The following ICA1 variants were observed in gnomAD, a reference collection of about 807,000 sequenced individuals.
ICA1 encodes the protein 69 kDa islet cell autoantigen.
A neutral mutation model predicts 71.0 loss-of-function variants in ICA1; 40 were observed. The ratio of observed to expected loss-of-function variants is 0.56; its 90% CI spans 0.44 to 0.73. The LOEUF (loss-of-function observed/expected upper bound fraction) is 0.73. ICA1 is among the 30% of genes least tolerant of loss of function. The pLI is 0.00. For synonymous variants in ICA1, 207 were observed against 209.5 expected (o/e 0.99, Z 0.10); for missense variants, 578 against 576.5 (o/e 1.00, Z -0.03).
chr7:8,229,469 G>C (rs1799602918), intron 3 of ICA1, among the ~76,000 whole-genome samples: 1 of 152,106 alleles, frequency 6.6e-6, no homozygotes, highest in South Asian at 2.1e-4. Flanking sequence ...CTAACTTAGG[G>C]ACCAGATATG....
At chr7:8,201,150 C>T (rs577114367) in intron 6 of ICA1, among the ~76,000 whole-genome samples, 2 of 152,154 alleles carry the variant, frequency 1.3e-5, no homozygotes, top group African/African-American at 2.4e-5. Flanking sequence ...CCATTGCCAG[C>T]CTGAGACATA....
chr7:8,176,717 T>C (rs993264591), intron 6 of ICA1, among the ~76,000 whole-genome samples: 1 of 152,182 alleles, frequency 6.6e-6, no homozygotes, highest in African/African-American at 2.4e-5. Context: ...GAATTACTGC[T>C]CAGGCTTTCT....
intron 6 of ICA1, among the ~76,000 whole-genome samples, chr7:8,165,002 A>G (rs1025018435): frequency 1.3e-5 from 2 of 152,166 alleles, no homozygotes; most frequent in Non-Finnish European, 2.9e-5. Context: ...GCCTGAGCCC[A>G]GGAGGTGGAG....
intron 12 of ICA1, among the ~76,000 whole-genome samples, chr7:8,134,821 C>T (rs1199899949): frequency 6.6e-6 from 1 of 151,886 alleles, no homozygotes; most frequent in Non-Finnish European, 1.5e-5. Flanking sequence ...AAAACAACTC[C>T]TACTCCCTGA....
intron 8 of ICA1, among the ~76,000 whole-genome samples, chr7:8,156,255 A>G (rs1446975497): frequency 6.6e-6 from 1 of 152,264 alleles, no homozygotes; most frequent in Non-Finnish European, 1.5e-5. Flanking sequence ...AGCAAAAGAA[A>G]TGCATTTGAA....
intron 4 of ICA1, among the ~76,000 whole-genome samples, chr7:8,228,311 A>T (rs1190943420): frequency 6.6e-6 from 1 of 152,198 alleles, no homozygotes; most frequent in African/African-American, 2.4e-5. Context: ...AAAAACCTGA[A>T]GGTAAAAAGC....
At chr7:8,249,490 G>A (rs1196708107) in intron 1 of ICA1, among the ~76,000 whole-genome samples, 1 of 152,166 alleles carries the variant, frequency 6.6e-6, no homozygotes, top group African/African-American at 2.4e-5. Flanking sequence ...ATTGGAGGAT[G>A]GACATTCAAT....
chr7:8,185,603 A>T (rs187017096), intron 6 of ICA1, among the ~76,000 whole-genome samples: 1 of 152,318 alleles, frequency 6.6e-6, no homozygotes, highest in Admixed American at 6.5e-5. Flanking sequence ...CTGCATACTT[A>T]ATCTTAAGAA....
intron 6 of ICA1, among the ~76,000 whole-genome samples, chr7:8,179,965 G>A (rs1245104236): frequency 2.0e-5 from 3 of 151,696 alleles, no homozygotes; most frequent in South Asian, 2.1e-4. Flanking sequence ...TAAGCTCTAC[G>A]ACTCTATTCC....
intron 8 of ICA1, among the ~76,000 whole-genome samples, chr7:8,145,013 G>A (rs954809669): frequency 6.6e-6 from 1 of 152,130 alleles, no homozygotes; most frequent in Non-Finnish European, 1.5e-5. Flanking sequence ...TCTCGGCAGA[G>A]CAGACCTGTG....
intron 6 of ICA1, among the ~76,000 whole-genome samples, chr7:8,189,734 T>TA (rs1420229069): frequency 6.7e-6 from 1 of 149,774 alleles, no homozygotes; most frequent in Non-Finnish European, 1.5e-5. Context: ...GCAAGGGGGG[T>TA]AGGCAGCGCT....
At chr7:8,131,995 G>A (rs1389185598) in intron 12 of ICA1, among the ~76,000 whole-genome samples, 1 of 152,102 alleles carries the variant, frequency 6.6e-6, no homozygotes, top group African/African-American at 2.4e-5. Flanking sequence ...GGATGAACAA[G>A]GGTTGAGGAT....
chr7:8,178,965 G>T (rs1380725294), intron 6 of ICA1, among the ~76,000 whole-genome samples: 1 of 152,154 alleles, frequency 6.6e-6, no homozygotes, highest in Non-Finnish European at 1.5e-5. Context: ...CTCTGAAAAT[G>T]GTTGTCGCTA....
chr7:8,251,493 A>T (rs1808191311), intron 1 of ICA1, among the ~76,000 whole-genome samples: 1 of 149,966 alleles, frequency 6.7e-6, no homozygotes, highest in African/African-American at 2.5e-5. Context: ...TAAAAAACTC[A>T]AATTATTTTC....
chr7:8,246,136 T>C (rs1316691764), intron 1 of ICA1, among the ~76,000 whole-genome samples: 2 of 152,182 alleles, frequency 1.3e-5, no homozygotes, highest in Non-Finnish European at 2.9e-5. Flanking sequence ...AAGATCTGCT[T>C]GTGGTCATCT....
intron 1 of ICA1, among the ~76,000 whole-genome samples, chr7:8,257,302 C>T (rs1209892957): frequency 6.6e-6 from 1 of 152,218 alleles, no homozygotes; most frequent in Non-Finnish European, 1.5e-5. Context: ...GGAAATATCA[C>T]AGAGAAGACC....
At chr7:8,224,167 C>T (rs182634118) in intron 4 of ICA1, among the ~76,000 whole-genome samples, 21 of 152,228 alleles carry the variant, frequency 1.4e-4, no homozygotes, top group Admixed American at 9.8e-4. Flanking sequence ...TAAGAGTGAG[C>T]GGTCAGTAGG....
chr7:8,156,841 T>C (rs1801696928), intron 8 of ICA1: 1 of 1,489,936 alleles, frequency 6.7e-7, no homozygotes, highest in Non-Finnish European at 8.9e-7. Flanking sequence ...CCACAATTCA[T>C]CTCCCAGGAA....
chr7:8,147,687 A>AACACACACACAC (rs71014764), intron 8 of ICA1, among the ~76,000 whole-genome samples: 96 of 145,410 alleles, frequency 6.6e-4, no homozygotes, highest in African/African-American at 2.3e-3. Context: ...AGCCAAGGGG[A>AACACACACACAC]ACACACACAC....
Sources: gnomAD v4.1 joint callset for allele counts (sites outside exome capture counted in the v4.1 genomes callset) on GRCh38, gnomAD v4.1.1 for gene constraint, MANE v1.5 for transcripts, NCBI Gene and HGNC (gene_info 2026-07-23, HGNC 2026-07-21) for gene names.